The following PTPRM variants were observed in gnomAD, a reference collection of about 807,000 sequenced individuals.
The protein encoded by PTPRM is receptor-type tyrosine-protein phosphatase mu.
In PTPRM, 47 loss-of-function variants were observed where a neutral mutation model predicts 186.7. The observed-to-expected ratio is 0.25, with a 90% CI of 0.20 to 0.32. The LOEUF (loss-of-function observed/expected upper bound fraction) is 0.32, where lower values mean the gene tolerates loss of function less well. PTPRM is among the 10% of genes least tolerant of loss of function. The probability of loss-of-function intolerance (pLI) is 1.00; values close to 1 mark genes in which losing one functional copy is unlikely to be tolerated. For synonymous variants in PTPRM, 668 were observed against 674.9 expected (o/e 0.99, Z 0.16); for missense variants, 1,494 against 1,865.0 (o/e 0.80, Z 3.66).
At chr18:8,336,244 G>A (rs1414818873) in intron 22 of PTPRM, among the ~76,000 whole-genome samples, 2 of 152,014 alleles carry the variant, frequency 1.3e-5, no homozygotes, top group African/African-American at 4.8e-5. Flanking sequence ...TTTGAGATAG[G>A]TGGTTTTTCA....
chr18:8,299,357 C>T (rs1377316022), intron 20 of PTPRM, among the ~76,000 whole-genome samples: 1 of 152,084 alleles, frequency 6.6e-6, no homozygotes, highest in Non-Finnish European at 1.5e-5. Flanking sequence ...AAGGCTGAGG[C>T]GGGTGGATTA....
chr18:7,661,461 G>A (rs181329901), intron 1 of PTPRM, among the ~76,000 whole-genome samples: 128 of 152,360 alleles, frequency 8.4e-4, no homozygotes, highest in Admixed American at 2.3e-3. Flanking sequence ...GAATGGTTGG[G>A]ATGAGTCCTT....
chr18:7,624,497 T>C (rs1412889045), intron 1 of PTPRM, among the ~76,000 whole-genome samples: 1 of 152,086 alleles, frequency 6.6e-6, no homozygotes, highest in Non-Finnish European at 1.5e-5. Flanking sequence ...ATTCTGCTTT[T>C]TTTTTTGGGA....
intron 13 of PTPRM, among the ~76,000 whole-genome samples, chr18:8,123,247 C>T (rs1209140133): frequency 2.6e-5 from 4 of 152,184 alleles, no homozygotes; most frequent in Non-Finnish European, 5.9e-5. Flanking sequence ...ACAGTCTAGG[C>T]CTGATGAAAG....
At chr18:7,985,143 A>G (rs1239969481) in intron 7 of PTPRM, among the ~76,000 whole-genome samples, 2 of 130,574 alleles carry the variant, frequency 1.5e-5, no homozygotes, top group African/African-American at 5.8e-5. Flanking sequence ...ATATACATAT[A>G]ATTGTATATA....
intron 7 of PTPRM, among the ~76,000 whole-genome samples, chr18:7,965,846 G>C (rs1162601667): frequency 6.6e-6 from 1 of 152,050 alleles, no homozygotes; most frequent in Non-Finnish European, 1.5e-5. Context: ...CAGTTTATTC[G>C]TCCTCATTAA....
chr18:8,064,246 G>A (rs1463257361), intron 7 of PTPRM, among the ~76,000 whole-genome samples: 1 of 152,142 alleles, frequency 6.6e-6, no homozygotes, highest in East Asian at 1.9e-4. Context: ...TTTAAGCGGA[G>A]TTCAAACCAG....
intron 7 of PTPRM, among the ~76,000 whole-genome samples, chr18:8,021,975 T>G (rs1326925646): frequency 6.6e-6 from 1 of 152,158 alleles, no homozygotes; most frequent in Non-Finnish European, 1.5e-5. Context: ...GCACATACAT[T>G]TATAGATTTG....
At chr18:7,839,955 T>G (rs1402470428) in intron 2 of PTPRM, among the ~76,000 whole-genome samples, 1 of 151,952 alleles carries the variant, frequency 6.6e-6, no homozygotes, top group East Asian at 1.9e-4. Context: ...TTTTGTTTTC[T>G]GCTGTAACAA....
Position 7,967,039 on chromosome 18 carries a change from C to A in PTPRM, c.1132+11625C>A, listed in dbSNP as rs1464197941. 4.1e-4 allele frequency among the ~76,000 whole-genome samples: 36 copies of A among 88,878 alleles called. 1 individual carries two copies. Among genetic ancestry groups the A allele is most frequent in the Admixed American group, 7.4e-4 (6 of 8,138 alleles). 58.3% of individuals were successfully genotyped at this position (88,878 alleles called of 152,430 possible). ...AACAAAAAGACAGCAGTAACCTCTGCAGACTTAAATGTCCCTGTCTGACAG... is the reference window on the plus strand; with the variant it reads ...AACAAAAAGACAGCAGTAACCTCTGAAGACTTAAATGTCCCTGTCTGACAG... On this transcript the variant is annotated intron_variant, in intron 7 of 32. Transcript: ENST00000580170.
At chr18:7,791,175 A>G (rs1044943117) in intron 2 of PTPRM, among the ~76,000 whole-genome samples, 6 of 152,218 alleles carry the variant, frequency 3.9e-5, no homozygotes, top group African/African-American at 1.2e-4. Context: ...ATATATGTCT[A>G]TCGACTTACT....
chr18:8,157,965 G>A (rs1436889715), intron 14 of PTPRM, among the ~76,000 whole-genome samples: 1 of 152,226 alleles, frequency 6.6e-6, no homozygotes, highest in Admixed American at 6.5e-5. Context: ...TCTCCTCAGT[G>A]CTGCTTGTTC....
chr18:8,343,687 A>G (rs111406398), intron 23 of PTPRM, among the ~76,000 whole-genome samples, 167 bp downstream of exon 23: 12 of 152,244 alleles, frequency 7.9e-5, no homozygotes, highest in African/African-American at 2.7e-4. Context: ...ATCAGTAAAC[A>G]TAGCCTGAAT....
chr18:7,871,378 C>A (rs184567252), intron 2 of PTPRM, among the ~76,000 whole-genome samples: 66 of 152,254 alleles, frequency 4.3e-4, no homozygotes, highest in Admixed American at 3.6e-3. Flanking sequence ...CCTAAACTTG[C>A]GTTAGCCATT....
chr18:7,570,350 G>C (rs1443188058), intron 1 of PTPRM, among the ~76,000 whole-genome samples: 1 of 152,188 alleles, frequency 6.6e-6, no homozygotes, highest in Admixed American at 6.5e-5. Context: ...GTAATTGGCT[G>C]CTTTTCACTT....
intron 19 of PTPRM, among the ~76,000 whole-genome samples, chr18:8,292,680 C>T (rs1312003812): frequency 2.0e-5 from 3 of 152,164 alleles, no homozygotes; most frequent in Admixed American, 6.5e-5. Context: ...TTGGGAGGCT[C>T]ATTGCAAGAA....
At chr18:7,612,231 T>C (rs1193502474) in intron 1 of PTPRM, among the ~76,000 whole-genome samples, 2 of 152,156 alleles carry the variant, frequency 1.3e-5, no homozygotes, top group South Asian at 2.1e-4. Context: ...TCTACTGTTA[T>C]GCTACAGTTT....
chr18:8,180,007 G>A (rs866663133), intron 14 of PTPRM, among the ~76,000 whole-genome samples: 5 of 146,782 alleles, frequency 3.4e-5, no homozygotes, highest in Middle Eastern at 3.5e-3. Flanking sequence ...GGTTATCTAC[G>A]TACTGTGACT....
intron 20 of PTPRM, among the ~76,000 whole-genome samples, chr18:8,303,560 C>T (rs1052835536): frequency 6.6e-6 from 1 of 151,834 alleles, no homozygotes; most frequent in African/African-American, 2.4e-5. Context: ...CAGGTGGGCA[C>T]GAGCAAGAGA....
Sources: allele counts gnomAD v4.1 joint callset (sites outside exome capture counted in the v4.1 genomes callset), GRCh38; gene constraint gnomAD v4.1.1; transcripts MANE v1.5; gene names NCBI Gene and HGNC (gene_info 2026-07-23, HGNC 2026-07-21).